RARS2: variants seen among roughly 807,000 people sequenced by gnomAD.
The protein encoded by RARS2 is probable arginine--tRNA ligase, mitochondrial.
A neutral mutation model predicts 88.5 loss-of-function variants in RARS2; 67 were observed. The ratio of observed to expected loss-of-function variants is 0.76; its 90% CI spans 0.62 to 0.93. The LOEUF is 0.93. RARS2 is among the 40% of genes least tolerant of loss of function. RARS2 has a pLI of 0.00. For missense variants in RARS2, 664 were observed against 684.2 expected (o/e 0.97, Z 0.33); for synonymous variants, 239 against 230.3 (o/e 1.04, Z -0.34).
intron 9 of RARS2, among the ~76,000 whole-genome samples, chr6:87,530,433 A>G (rs1468419649): frequency 6.6e-6 from 1 of 152,196 alleles, no homozygotes; most frequent in Non-Finnish European, 1.5e-5. Context: ...TTCCTCTTCT[A>G]TTCGCTGTTG....
intron 8 of RARS2, among the ~76,000 whole-genome samples, chr6:87,539,323 T>C (rs1256664544): frequency 1.3e-5 from 2 of 152,194 alleles, no homozygotes; most frequent in African/African-American, 4.8e-5. Flanking sequence ...TAAGGACAAA[T>C]AGTGACTTCT....
chr6:87,543,533 C>T (rs545643442), intron 7 of RARS2, among the ~76,000 whole-genome samples: 4 of 144,004 alleles, frequency 2.8e-5, no homozygotes, highest in African/African-American at 7.7e-5. Flanking sequence ...CCCAGCTACT[C>T]GGGAGGCTGA....
chr6:87,577,440 T>C (rs1771913487), intron 1 of RARS2, among the ~76,000 whole-genome samples: 1 of 152,142 alleles, frequency 6.6e-6, no homozygotes, highest in South Asian at 2.1e-4. Context: ...CAAGCAATCA[T>C]CCTGCCCTAG....
chr6:87,517,379 T>C (rs1772143796), intron 17 of RARS2, among the ~76,000 whole-genome samples: 1 of 152,216 alleles, frequency 6.6e-6, no homozygotes, highest in Non-Finnish European at 1.5e-5. Context: ...AGGGACTTTC[T>C]AAATCATCTT....
chr6:87,588,509 C>T (rs1775866099), intron 1 of RARS2, among the ~76,000 whole-genome samples: 1 of 152,056 alleles, frequency 6.6e-6, no homozygotes, highest in Non-Finnish European at 1.5e-5. Context: ...GCAGCTAGGA[C>T]TACAGAGGTG....
intron 1 of RARS2, among the ~76,000 whole-genome samples, chr6:87,570,512 G>A (rs929702379): frequency 3.9e-5 from 6 of 151,974 alleles, no homozygotes; most frequent in African/African-American, 1.5e-4. Flanking sequence ...TCCATCTCCC[G>A]GGTTCAAGCA....
At position 87,529,602 on chromosome 6, in the gene RARS2, C is replaced by G. The variant is rs139721632; in HGVS notation, c.818G>C (p.Arg273Pro). The G allele has an allele frequency of 1.8e-4, 291 of 1,609,930 alleles. 1 individual carries two copies. Among genetic ancestry groups the G allele is most frequent in the Non-Finnish European group, 1.6e-4 (194 of 1,176,230 alleles). ...FDEYSGESFY[R>P]EKSQEVLKLL... Reference sequence around the variant, plus strand: ...CTTTAAGACCTCTTGAGATTTTTCACGATAAAATGATTCTCCTGAATATTC... The same window carrying G: ...CTTTAAGACCTCTTGAGATTTTTCAGGATAAAATGATTCTCCTGAATATTC... Residue 273 changes from arginine to proline, a missense_variant, in exon 10 of 20, where the codon CGT (arginine) becomes CCT (proline). Arg to Pro is a moderately radical substitution (Grantham distance 103, BLOSUM62 -2). Transcript: ENST00000369536.
intron 8 of RARS2, among the ~76,000 whole-genome samples, chr6:87,537,466 T>C (rs993981515): frequency 6.6e-6 from 1 of 152,344 alleles, no homozygotes; most frequent in East Asian, 1.9e-4. Context: ...TTCTGACAAA[T>C]GGTAATTAGT....
intron 1 of RARS2, among the ~76,000 whole-genome samples, chr6:87,577,377 G>A (rs952295534): frequency 3.3e-5 from 5 of 151,876 alleles, no homozygotes; most frequent in Non-Finnish European, 5.9e-5. Context: ...ATTTTTTTGT[G>A]GAGACGGCAT....
intron 18 of RARS2, among the ~76,000 whole-genome samples, chr6:87,516,129 A>G (rs1171231119): frequency 6.6e-6 from 1 of 152,054 alleles, no homozygotes; most frequent in South Asian, 2.1e-4. Flanking sequence ...TAAAAGCAAC[A>G]TTTCCTTTAT....
At chr6:87,547,793 T>C (rs1489426182) in intron 6 of RARS2, among the ~76,000 whole-genome samples, 2 of 151,746 alleles carry the variant, frequency 1.3e-5, no homozygotes, top group Non-Finnish European at 1.5e-5. Context: ...GTGCACACCA[T>C]CACACCAGCT....
chr6:87,566,184 A>G (rs1562224227), intron 2 of RARS2, among the ~76,000 whole-genome samples: 1 of 152,210 alleles, frequency 6.6e-6, no homozygotes, highest in Non-Finnish European at 1.5e-5. Flanking sequence ...AAAACAATCT[A>G]AATGTCTAGC....
At chr6:87,580,919 A>ACCAAG (rs1351229292) in intron 1 of RARS2, among the ~76,000 whole-genome samples, 2 of 152,194 alleles carry the variant, frequency 1.3e-5, no homozygotes, top group Non-Finnish European at 2.9e-5. Context: ...CTTACAATGT[A>ACCAAG]CCAAGCACAA....
intron 1 of RARS2, among the ~76,000 whole-genome samples, chr6:87,572,358 C>T (rs2128196342): frequency 6.6e-6 from 1 of 152,194 alleles, no homozygotes; most frequent in East Asian, 1.9e-4. Flanking sequence ...ACCATAATCA[C>T]TAAGATTTTA....
chr6:87,558,239 G>A (rs1027035309), intron 4 of RARS2, among the ~76,000 whole-genome samples: 5 of 151,468 alleles, frequency 3.3e-5, no homozygotes, highest in African/African-American at 4.9e-5. Context: ...GCTACAGACT[G>A]GATATGCTTT....
In RARS2 at chr6:87,534,815, G is replaced by A. The variant is rs116492286; in HGVS notation, c.613-3873C>T. Among the ~76,000 whole-genome samples, 431 of 152,334 alleles carry A rather than the reference G, an allele frequency of 2.8e-3. 2 individuals are homozygous for A. The highest frequency in any genetic ancestry group is 9.5e-3 in the African/African-American group (397 of 41,582). ...CTGGGGTGGTGCAGGCCCACAGTGG[G>A]AAATGGTTCACGGTGTGTCTACATA... is the stretch of plus-strand genomic sequence containing the variant. On this transcript the variant is annotated intron_variant, in intron 8 of 19. Transcript: ENST00000369536.
intron 5 of RARS2, among the ~76,000 whole-genome samples, chr6:87,552,830 T>C (rs898874931): frequency 2.6e-5 from 4 of 152,182 alleles, no homozygotes; most frequent in African/African-American, 9.7e-5. Flanking sequence ...AATGGCATTA[T>C]TTCAAGGATG....
At chr6:87,519,860 AG>A in intron 13 of RARS2, among the ~76,000 whole-genome samples, 153 bp from the exon 14 acceptor site, 1 of 152,370 alleles carries the variant, frequency 6.6e-6, no homozygotes, top group East Asian at 1.9e-4. Flanking sequence ...TATGCTACAA[AG>A]GACGTTAAGC....
intron 6 of RARS2, among the ~76,000 whole-genome samples, chr6:87,547,336 A>T (rs1782886908): frequency 6.6e-6 from 1 of 152,236 alleles, no homozygotes; most frequent in Admixed American, 6.5e-5. Flanking sequence ...AAGAACAGTA[A>T]GAGCTGACCG....
Sources: allele counts gnomAD v4.1 joint callset (sites outside exome capture counted in the v4.1 genomes callset), GRCh38; gene constraint gnomAD v4.1.1; transcripts MANE v1.5; gene names NCBI Gene and HGNC (gene_info 2026-07-23, HGNC 2026-07-21).